ZGPAT: variants seen among roughly 807,000 people sequenced by gnomAD.
ZGPAT encodes the protein zinc finger CCCH-type and G-patch domain containing.
A neutral mutation model predicts 47.9 loss-of-function variants in ZGPAT; 39 were observed. That is an observed-to-expected ratio of 0.81 (90% CI 0.63 to 1.06). ZGPAT has a LOEUF of 1.06. Ranked by LOEUF, ZGPAT falls within the 50% of genes least tolerant of loss-of-function variation. ZGPAT has a pLI of 0.00. For missense variants in ZGPAT, 717 were observed against 681.4 expected (o/e 1.05, Z -0.58); for synonymous variants, 348 against 292.9 (o/e 1.19, Z -1.92).
rs1164836598 is a variant in ZGPAT, at chr20:63,732,920, G to A, written c.585-299G>A. Among the ~76,000 whole-genome samples, 3 of 151,916 alleles carry A rather than the reference G, an allele frequency of 2.0e-5. No homozygotes were observed. The East Asian group carries it at 5.8e-4, about 29-fold the overall frequency. ...TGTGTATATGCATGTGTGTGTATAT[G>A]CCTGCATGTATATGCACAAGTGTGT... On this transcript the variant is annotated intron_variant, in intron 2 of 6. Coordinates refer to ENST00000355969, the MANE Select transcript of ZGPAT (RefSeq NM_181485.3).
At chr20:63,712,751 T>C (rs2091682963) in intron 2 of ZGPAT, among the ~76,000 whole-genome samples, 1 of 151,808 alleles carries the variant, frequency 6.6e-6, no homozygotes, top group South Asian at 2.1e-4. Context: ...AAAAACAAAT[T>C]AGTCGGAGGT....
intron 2 of ZGPAT, among the ~76,000 whole-genome samples, chr20:63,720,411 T>G (rs2091775855): frequency 6.6e-6 from 1 of 152,100 alleles, no homozygotes; most frequent in South Asian, 2.1e-4. Flanking sequence ...TGCCTCGGCC[T>G]CCCAAAGTGC....
chr20:63,730,854 G>T (rs1339223789), intron 2 of ZGPAT, among the ~76,000 whole-genome samples: 10 of 150,360 alleles, frequency 6.7e-5, no homozygotes, highest in Non-Finnish European at 1.5e-4. Context: ...GATGGCGGTT[G>T]GTTTTTCATG....
rs1601354802 is a variant in ZGPAT, at chr20:63,735,412, C to T, written c.1245C>T (p.Ala415=). The T allele has an allele frequency of 1.3e-6, 2 of 1,567,630 alleles. No homozygotes were observed. The highest frequency in any genetic ancestry group is 1.7e-6 in the Non-Finnish European group (2 of 1,159,768). The change falls in exon 6 of 7, where the codon GCC becomes GCT. Residue 415 remains alanine, a synonymous_variant. Transcript: ENST00000355969. The part of the protein sequence containing the change: ...QAPGALEAGA[A]PAGRRSKDMY... The stretch of plus-strand genomic sequence containing the variant: ...CTGGGGCCCTAGAAGCCGGGGCGGC[C>T]CCAGCGGGGAGGAGGAGCAAGGACA...
intron 2 of ZGPAT, among the ~76,000 whole-genome samples, chr20:63,718,452 C>T (rs183894422): frequency 6.6e-6 from 1 of 152,138 alleles, no homozygotes; most frequent in East Asian, 1.9e-4. Flanking sequence ...CCCACCTCAG[C>T]CTTCCCAGTA....
In ZGPAT at chr20:63,733,640, G is replaced by A; in HGVS notation, c.772G>A (p.Ala258Thr). 6.8e-6 allele frequency: 11 copies of A among 1,614,074 alleles called. No homozygotes were observed. The highest frequency in any genetic ancestry group is 9.3e-6 in the Non-Finnish European group (11 of 1,180,038). The stretch of plus-strand genomic sequence containing the variant: ...GTTTGACTCGCTGCTGCTGAGGGAG[G>A]CCGTGGTGGAGGGGGACGGCATCCT... ...VKFDSLLLRE[A>T]VVEGDGILPP... Residue 258 changes from alanine to threonine, a missense_variant, in exon 4 of 7, where the codon GCC becomes ACC. Transcript: ENST00000355969.
chr20:63,733,816 A>AACCATC (rs2091948163), intron 4 of ZGPAT, 77 bp downstream of exon 4: 9 of 1,531,312 alleles, frequency 5.9e-6, no homozygotes, highest in Non-Finnish European at 7.9e-6. Flanking sequence ...TGAGGGCACC[A>AACCATC]ACCATCTAAC....
intron 2 of ZGPAT, among the ~76,000 whole-genome samples, chr20:63,714,437 A>G (rs2091705083): frequency 1.3e-5 from 2 of 151,900 alleles, no homozygotes; most frequent in African/African-American, 4.8e-5. Context: ...TAAAAAAAAA[A>G]AAAAAAAAAG....
At chr20:63,733,164 G>A (rs17825740) in intron 2 of ZGPAT, 55 bp from the exon 3 acceptor site, 7 of 1,591,008 alleles carry the variant, frequency 4.4e-6, no homozygotes, top group South Asian at 1.1e-5. Context: ...CTCCTGGGTT[G>A]GTTTGCCCCT....
At chr20:63,726,918 C>G (rs1174568633) in intron 2 of ZGPAT, among the ~76,000 whole-genome samples, 2 of 152,208 alleles carry the variant, frequency 1.3e-5, no homozygotes, top group East Asian at 3.8e-4. Context: ...CCCACACATG[C>G]AACAGCCCCT....
At chr20:63,725,877 G>A (rs2091840745) in intron 2 of ZGPAT, among the ~76,000 whole-genome samples, 1 of 150,896 alleles carries the variant, frequency 6.6e-6, no homozygotes, top group Non-Finnish European at 1.5e-5. Flanking sequence ...TTGTTGCTGA[G>A]GCTGGAGTGC....
At chr20:63,727,626 T>C (rs2091858358) in intron 2 of ZGPAT, among the ~76,000 whole-genome samples, 1 of 141,588 alleles carries the variant, frequency 7.1e-6, no homozygotes, top group African/African-American at 2.7e-5. Context: ...GCTGAGATCA[T>C]GCCACTGCAC....
At chr20:63,710,951 A>G (rs190535947) in intron 2 of ZGPAT, among the ~76,000 whole-genome samples, 3 of 150,862 alleles carry the variant, frequency 2.0e-5, no homozygotes, top group East Asian at 1.9e-4. Flanking sequence ...CTAGTAGGTA[A>G]TTTTCTTTTT....
chr20:63,721,876 C>T (rs937215035), intron 2 of ZGPAT, among the ~76,000 whole-genome samples: 2 of 151,908 alleles, frequency 1.3e-5, no homozygotes, highest in East Asian at 1.9e-4. Flanking sequence ...ATTAGCTGGG[C>T]GTGGTGGGTG....
Position 63,735,364 on chromosome 20 carries a change from T to G in ZGPAT, c.1197T>G (p.Asn399Lys), listed in dbSNP as rs1420399960. The G allele has an allele frequency of 1.3e-6, 2 of 1,545,366 alleles. No homozygotes were observed. Among genetic ancestry groups the G allele is most frequent in the African/African-American group, 2.8e-5 (2 of 72,448 alleles). ...CTCGGAATGTGTTTGACTTCCTCAA[T>G]GAAAAGCTGCAAGGTCAGGCTCCTG... ...PAPRNVFDFLNEKLQGQAPGA... is the reference protein window; with the variant it reads ...PAPRNVFDFLKEKLQGQAPGA... The change falls in exon 6 of 7, where the codon AAT becomes AAG. Residue 399 changes from asparagine to lysine, a missense_variant. Physicochemically the swap from Asn to Lys is moderately conservative, Grantham distance 94. Transcript: ENST00000355969.
intron 2 of ZGPAT, among the ~76,000 whole-genome samples, chr20:63,732,648 TAATG>T (rs1359154170): frequency 2.8e-4 from 5 of 17,674 alleles, no homozygotes; most frequent in Non-Finnish European, 4.8e-4. Context: ...GTACATGTGT[TAATG>T]TGTGTGTACA....
At chr20:63,722,913 G>A (rs2091802865) in intron 2 of ZGPAT, among the ~76,000 whole-genome samples, 1 of 152,166 alleles carries the variant, frequency 6.6e-6, no homozygotes, top group South Asian at 2.1e-4. Context: ...TTACAGGTGT[G>A]AGCGACTGCA....
At chr20:63,732,939 A>G (rs1568800731) in intron 2 of ZGPAT, among the ~76,000 whole-genome samples, 3 of 150,612 alleles carry the variant, frequency 2.0e-5, no homozygotes, top group Non-Finnish European at 4.4e-5. Flanking sequence ...TATATGCACA[A>G]GTGTGTATAT....
intron 2 of ZGPAT, among the ~76,000 whole-genome samples, chr20:63,720,024 G>A (rs1299403933): frequency 6.6e-6 from 1 of 152,120 alleles, no homozygotes; most frequent in East Asian, 1.9e-4. Context: ...TTACAGATGT[G>A]AGCCACTGTG....
Sources: allele counts gnomAD v4.1 joint callset (sites outside exome capture counted in the v4.1 genomes callset), GRCh38; gene constraint gnomAD v4.1.1; transcripts MANE v1.5; gene names NCBI Gene and HGNC (gene_info 2026-07-23, HGNC 2026-07-21).